PCDHB12: variants seen among roughly 807,000 people sequenced by gnomAD.
PCDHB12 encodes the protein protocadherin beta 12.
For missense variants in PCDHB12, 1,192 were observed against 998.2 expected (o/e 1.19, Z -2.62); for synonymous variants, 560 against 445.2 (o/e 1.26, Z -3.24).
At position 141,210,486 on chromosome 5, in the gene PCDHB12, T is replaced by A. The variant is rs1754421294; in HGVS notation, c.1579T>A (p.Phe527Ile). 1.9e-6 allele frequency: 3 copies of A among 1,612,468 alleles called. No individual in the cohort carries two copies. The highest frequency in any genetic ancestry group is 1.3e-5 in the African/African-American group (1 of 74,876). Residue 527 changes from phenylalanine to isoleucine, a missense_variant, in exon 1 of 1, where the codon TTC becomes ATC. By Grantham distance (21) the Phe-to-Ile change is conservative. Transcript: ENST00000239450. ...GCTGGACTACGAGGCCCTGCAGGGG[T>A]TCCAGTTCCGCGTGGGCGCCACAGA... ...RSLDYEALQG[F>I]QFRVGATDHG...
At position 141,210,160 on chromosome 5, in the gene PCDHB12, A is replaced by G; in HGVS notation, c.1253A>G (p.Asn418Ser). The G allele has an allele frequency of 6.2e-7, 1 of 1,614,182 alleles. No homozygotes were observed. ...PLDRESRAEY[N>S]ITITVTDLGT... ...GACAGAGAGAGCAGAGCCGAGTACA[A>G]CATCACCATCACCGTCACCGACTTG... The change falls in exon 1 of 1, where the codon AAC (asparagine) becomes AGC (serine). Residue 418 changes from asparagine (N) to serine (S), a missense_variant. Asn to Ser is a conservative substitution (Grantham distance 46). Transcript: ENST00000239450.
rs1554286723 is a variant in PCDHB12, at chr5:141,209,713, T to C, written c.806T>C (p.Leu269Ser). 1.2e-6 allele frequency: 2 copies of C among 1,614,244 alleles called. No homozygotes were observed. The highest frequency in any genetic ancestry group is 1.7e-6 in the Non-Finnish European group (2 of 1,180,044). ...SLVVTVSAWD[L>S]DSGTNSELSY... ...GTTGTGACCGTCTCAGCCTGGGATT[T>C]AGACTCTGGAACAAACAGTGAACTA... Residue 269 changes from leucine (L) to serine (S), a missense_variant, in exon 1 of 1, where the codon TTA becomes TCA. Transcript: ENST00000239450.
rs1588385115 is a variant in PCDHB12 at position 141,209,107 on chromosome 5, T to C, written c.200T>C (p.Val67Ala). The change falls in exon 1 of 1, where the codon GTT becomes GCT. Residue 67 changes from valine (V) to alanine (A), a missense_variant. Transcript: ENST00000239450. Reference sequence around the variant, plus strand: ...CTGTCTTCGCGGGGGGCTCGGGTGGTTTCTAATGATAACAAAGAGTGTTTG... The same window carrying C: ...CTGTCTTCGCGGGGGGCTCGGGTGGCTTCTAATGATAACAAAGAGTGTTTG... ...SELSSRGARV[V>A]SNDNKECLQL... 4 of 1,613,472 alleles carry C rather than the reference T, an allele frequency of 2.5e-6. No individual in the cohort carries two copies. The highest frequency in any genetic ancestry group is 3.4e-6 in the Non-Finnish European group (4 of 1,179,740).
In PCDHB12 at chr5:141,209,788, T is replaced by C. The variant is rs547334734; in HGVS notation, c.881T>C (p.Ile294Thr). The change falls in exon 1 of 1, where the codon ATT becomes ACT. Residue 294 changes from isoleucine to threonine, a missense_variant. Coordinates refer to ENST00000239450, the MANE Select transcript of PCDHB12 (RefSeq NM_018932.4). ...ASEDIRKTFE[I>T]NQKSGDITLT... ...GAAGATATTCGCAAGACATTTGAAA[T>C]TAATCAAAAGTCTGGTGACATTACT... The C allele has an allele frequency of 2.5e-6, 4 of 1,614,240 alleles. No homozygotes were observed. The South Asian group carries it at 4.4e-5, about 18-fold the overall frequency.
Position 141,210,112 on chromosome 5 carries a change from CT to C in PCDHB12, c.1208del (p.Leu403TrpfsTer29). ...AAATCTTCGGTAAATAATTACTACA[CT>C]TTGGAAACAGAGAGACCGCTGGACA... ...VLKSSVNNYY[T>X]LETERPLDRE... On this transcript the variant is annotated frameshift_variant, in exon 1 of 1. Coordinates refer to ENST00000239450, the MANE Select transcript of PCDHB12 (RefSeq NM_018932.4). LOFTEE classifies it low-confidence loss of function (END_TRUNC). 6.2e-7 allele frequency: 1 copy of C among 1,614,176 alleles called. No individual in the cohort carries two copies. Among genetic ancestry groups the C allele is most frequent in the Non-Finnish European group, 8.5e-7 (1 of 1,180,044 alleles).
At position 141,212,263 on chromosome 5, in the gene PCDHB12, A is replaced by G. The variant is rs1244561725; in HGVS notation, c.*968A>G. 3 of 163,652 alleles carry G rather than the reference A, an allele frequency of 1.8e-5. No homozygotes were observed. 10.1% of individuals were successfully genotyped at this position (163,652 alleles called of 1,614,324 possible). On this transcript the variant is annotated 3_prime_UTR_variant, in exon 1 of 1. Coordinates refer to ENST00000239450, the MANE Select transcript of PCDHB12 (RefSeq NM_018932.4). ...TCTTTACATTGTAGTATATTTCCAG[A>G]GTCACCCATGCTTACATTTGTAATA... is the stretch of plus-strand genomic sequence containing the variant.
At position 141,210,756 on chromosome 5, in the gene PCDHB12, G is replaced by A. The variant is rs782739306; in HGVS notation, c.1849G>A (p.Val617Met). 3 of 1,603,296 alleles carry A rather than the reference G, an allele frequency of 1.9e-6. No individual in the cohort carries two copies. The highest frequency in any genetic ancestry group is 1.3e-5 in the African/African-American group (1 of 74,838). Residue 617 changes from valine (V) to methionine (M), a missense_variant, in exon 1 of 1, where the codon GTG (valine) becomes ATG (methionine). Transcript: ENST00000239450. ...GGCCACGGAGCCCGGGCTATTCGGC[G>A]TGTGGGCGCACAATGGCGAGGTGCG... is the stretch of plus-strand genomic sequence containing the variant. ...LKATEPGLFG[V>M]WAHNGEVRTA...
Position 141,210,319 on chromosome 5 carries a change from G to T in PCDHB12, c.1412G>T (p.Gly471Val). The T allele has an allele frequency of 6.2e-7, 1 of 1,613,288 alleles. No homozygotes were observed. Among genetic ancestry groups the T allele is most frequent in the Non-Finnish European group, 8.5e-7 (1 of 1,180,024 alleles). ...AACAACAGCCCCGCCCTGCACATCG[G>T]CAGCATCAGCGCCACAGACAGAGAC... ...RENNSPALHI[G>V]SISATDRDSG... Residue 471 changes from glycine (G) to valine (V), a missense_variant, in exon 1 of 1, where the codon GGC becomes GTC. Physicochemically the swap from Gly to Val is moderately radical, Grantham distance 109 (BLOSUM62 -3). Transcript: ENST00000239450.
At position 141,210,770 on chromosome 5, in the gene PCDHB12, T is replaced by C; in HGVS notation, c.1863T>C (p.Asn621=). 1 of 1,601,620 alleles carries C rather than the reference T, an allele frequency of 6.2e-7. No individual in the cohort carries two copies. Among genetic ancestry groups the C allele is most frequent in the Non-Finnish European group, 8.5e-7 (1 of 1,178,614 alleles). The part of the protein sequence containing the change: ...EPGLFGVWAH[N]GEVRTARLLS... Reference sequence around the variant, plus strand: ...GGCTATTCGGCGTGTGGGCGCACAATGGCGAGGTGCGCACCGCCAGGCTGC... The same window carrying C: ...GGCTATTCGGCGTGTGGGCGCACAACGGCGAGGTGCGCACCGCCAGGCTGC... The change falls in exon 1 of 1, where the codon AAT becomes AAC. Residue 621 remains asparagine, a synonymous_variant. Coordinates refer to ENST00000239450, the MANE Select transcript of PCDHB12 (RefSeq NM_018932.4).
chr5:141,209,134 A>G lies in PCDHB12; in HGVS notation c.227A>G (p.Gln76Arg). 1 of 1,614,208 alleles carries G rather than the reference A, an allele frequency of 6.2e-7. No individual in the cohort carries two copies. The highest frequency in any genetic ancestry group is 8.5e-7 in the Non-Finnish European group (1 of 1,180,036). Reference protein sequence around the residue: ...VVSNDNKECLQLDTNTGDLLL... With the variant: ...VVSNDNKECLRLDTNTGDLLL... ...TCTAATGATAACAAAGAGTGTTTGC[A>G]GCTGGACACAAACACTGGGGATTTG... Residue 76 changes from glutamine to arginine, a missense_variant, in exon 1 of 1, where the codon CAG (glutamine) becomes CGG (arginine). Gln to Arg is a conservative substitution (Grantham distance 43, BLOSUM62 1). Coordinates refer to ENST00000239450, the MANE Select transcript of PCDHB12 (RefSeq NM_018932.4).
Position 141,210,598 on chromosome 5 carries a change from C to A in PCDHB12, c.1691C>A (p.Pro564Gln), listed in dbSNP as rs782595260. The A allele has an allele frequency of 2.5e-6, 4 of 1,611,450 alleles. No homozygotes were observed. In the South Asian group the frequency reaches 4.4e-5, roughly 18 times the overall value. The change falls in exon 1 of 1, where the codon CCG (proline) becomes CAG (glutamine). Residue 564 changes from proline (P) to glutamine (Q), a missense_variant. Physicochemically the swap from Pro to Gln is moderately conservative, Grantham distance 76. Coordinates refer to ENST00000239450, the MANE Select transcript of PCDHB12 (RefSeq NM_018932.4). ...GACAACTCGCCCTTCGTGCTGTACC[C>A]GCTGCAGAACGGCTCCGCGCCCTGC... ...ANDNSPFVLY[P>Q]LQNGSAPCTE... is the part of the protein sequence containing the mutation.
chr5:141,210,721 A>G lies in PCDHB12; in HGVS notation c.1814A>G (p.Gln605Arg). 6.2e-7 allele frequency: 1 copy of G among 1,608,308 alleles called. No homozygotes were observed. The highest frequency in any genetic ancestry group is 1.7e-5 in the Admixed American group (1 of 59,950). ...DSGQNAWLSY[Q>R]LLKATEPGLF... ...GGCCAGAACGCCTGGCTGTCGTACC[A>G]GCTGCTCAAGGCCACGGAGCCCGGG... The change falls in exon 1 of 1, where the codon CAG (glutamine) becomes CGG (arginine). Residue 605 changes from glutamine (Q) to arginine (R), a missense_variant. By Grantham distance (43) the Gln-to-Arg change is conservative (BLOSUM62 1). Transcript: ENST00000239450.
Position 141,211,382 on chromosome 5 carries a change from T to G in PCDHB12, c.*87T>G. 8.1e-7 allele frequency: 1 copy of G among 1,238,848 alleles called. No homozygotes were observed. Among genetic ancestry groups the G allele is most frequent in the Non-Finnish European group, 1.1e-6 (1 of 876,940 alleles). The allele number at this position is 1,238,848 out of a possible 1,614,324, so 76.7% of individuals were successfully genotyped here. The stretch of plus-strand genomic sequence containing the variant: ...GGTGCCTGTAAAGTAGTATTTTTGA[T>G]CACTTCAAATACATACTCTTCAAGT... On this transcript the variant is annotated 3_prime_UTR_variant, in exon 1 of 1. Transcript: ENST00000239450.
Position 141,208,881 on chromosome 5 carries a change from A to T in PCDHB12, c.-27A>T. 6.6e-7 allele frequency: 1 copy of T among 1,509,824 alleles called. No homozygotes were observed. The highest frequency in any genetic ancestry group is 8.8e-7 in the Non-Finnish European group (1 of 1,131,660). 93.5% of individuals were successfully genotyped at this position (1,509,824 alleles called of 1,614,324 possible). ...GAGGCGCTGAGGCAATTCTGCAAGA[A>T]GATTTTGGGGTTTTGGAAAAGAAGC... On this transcript the variant is annotated 5_prime_UTR_variant, in exon 1 of 1. The change creates a new upstream start codon in the 5' untranslated region. Coordinates refer to ENST00000239450, the MANE Select transcript of PCDHB12 (RefSeq NM_018932.4).
In PCDHB12 at chr5:141,210,219, A is replaced by G; in HGVS notation, c.1312A>G (p.Thr438Ala). Residue 438 changes from threonine to alanine, a missense_variant, in exon 1 of 1, where the codon ACC becomes GCC. Coordinates refer to ENST00000239450, the MANE Select transcript of PCDHB12 (RefSeq NM_018932.4). ...TPRLKTEHNI[T>A]VLVSDVNDNA... is the part of the protein sequence containing the mutation. ...CAGGCTAAAAACCGAGCACAACATA[A>G]CCGTGCTGGTCTCCGACGTCAATGA... is the stretch of plus-strand genomic sequence containing the variant. 6.2e-7 allele frequency: 1 copy of G among 1,614,112 alleles called. No individual in the cohort carries two copies. The highest frequency in any genetic ancestry group is 8.5e-7 in the Non-Finnish European group (1 of 1,180,014).
Position 141,210,549 on chromosome 5 carries a change from C to T in PCDHB12, c.1642C>T (p.Arg548Cys), listed in dbSNP as rs782365765. The T allele has an allele frequency of 1.9e-6, 3 of 1,611,704 alleles. No individual in the cohort carries two copies. The highest frequency in any genetic ancestry group is 2.2e-5 in the South Asian group (2 of 90,980). ...GGCTTTGAGCAGCGAGGCGCTGGTG[C>T]GCGTGCTGGTGCTGGACGCCAACGA... is the stretch of plus-strand genomic sequence containing the variant. Reference protein sequence around the residue: ...SPALSSEALVRVLVLDANDNS... With the variant: ...SPALSSEALVCVLVLDANDNS... The change falls in exon 1 of 1, where the codon CGC becomes TGC. Residue 548 changes from arginine (R) to cysteine (C), a missense_variant. Physicochemically the swap from Arg to Cys is radical, Grantham distance 180. Coordinates refer to ENST00000239450, the MANE Select transcript of PCDHB12 (RefSeq NM_018932.4).
rs782412382 is a variant in PCDHB12 at position 141,209,468 on chromosome 5, C to T, written c.561C>T (p.Asp187=). ...ACGTTAAAATAAGAGTCAATCCAGA[C>T]AATAGGAAATACCCTGAGTTAGTTC... ...HFHVKIRVNP[D]NRKYPELVLD... The change falls in exon 1 of 1, where the codon GAC becomes GAT. Residue 187 remains aspartate (D), a synonymous_variant. Coordinates refer to ENST00000239450, the MANE Select transcript of PCDHB12 (RefSeq NM_018932.4). The T allele has an allele frequency of 1.9e-6, 3 of 1,614,056 alleles. No individual in the cohort carries two copies. Among genetic ancestry groups the T allele is most frequent in the Admixed American group, 3.3e-5 (2 of 60,010 alleles).
Position 141,210,978 on chromosome 5 carries a change from G to T in PCDHB12, c.2071G>T (p.Val691Leu), listed in dbSNP as rs781789190. The change falls in exon 1 of 1, where the codon GTG becomes TTG. Residue 691 changes from valine to leucine, a missense_variant. Transcript: ENST00000239450. ...AQADSLTVYLVVALASVSSLF... is the reference protein window; with the variant it reads ...AQADSLTVYLLVALASVSSLF... Reference sequence around the variant, plus strand: ...GGCCGACTCGCTCACTGTCTACCTGGTGGTGGCGTTGGCCTCAGTGTCGTC... The same window carrying T: ...GGCCGACTCGCTCACTGTCTACCTGTTGGTGGCGTTGGCCTCAGTGTCGTC... 1 of 1,611,836 alleles carries T rather than the reference G, an allele frequency of 6.2e-7. No individual in the cohort carries two copies. Among genetic ancestry groups the T allele is most frequent in the Non-Finnish European group, 8.5e-7 (1 of 1,179,822 alleles).
rs1554286767 is a variant in PCDHB12 at position 141,209,886 on chromosome 5, C to A, written c.979C>A (p.Leu327Ile). 3 of 1,614,176 alleles carry A rather than the reference C, an allele frequency of 1.9e-6. No individual in the cohort carries two copies. Among genetic ancestry groups the A allele is most frequent in the Non-Finnish European group, 2.5e-6 (3 of 1,180,030 alleles). Residue 327 changes from leucine (L) to isoleucine (I), a missense_variant, in exon 1 of 1, where the codon CTT (leucine) becomes ATT (isoleucine). Physicochemically the swap from Leu to Ile is conservative, Grantham distance 5. Coordinates refer to ENST00000239450, the MANE Select transcript of PCDHB12 (RefSeq NM_018932.4). The stretch of plus-strand genomic sequence containing the variant: ...CATTCAAGCCACAGATGGGGGAGGA[C>A]TTTTTGGAAAATCTACAGTCAGAAT... ...IIIQATDGGG[L>I]FGKSTVRIQV...
Sources: gnomAD v4.1 joint callset for allele counts on GRCh38, gnomAD v4.1.1 for gene constraint, MANE v1.5 for transcripts, NCBI Gene and HGNC (gene_info 2026-07-23, HGNC 2026-07-21) for gene names.